The following TTC27 variants were observed in gnomAD, a reference collection of about 807,000 sequenced individuals.
TTC27 encodes the protein tetratricopeptide repeat protein 27.
TTC27 carries 79 observed loss-of-function variants against 115.9 expected under a neutral mutation model. The observed-to-expected ratio is 0.68, with a 90% CI of 0.57 to 0.82. The LOEUF is 0.82. Ranked by LOEUF, TTC27 falls within the 40% of genes least tolerant of loss-of-function variation. TTC27 has a pLI of 0.00. For synonymous variants in TTC27, 401 were observed against 356.0 expected, an observed-to-expected ratio of 1.13 and a Z score of -1.42; for missense variants, 1,054 against 993.1, an observed-to-expected ratio of 1.06 and a Z score of -0.82.
chr2:32,713,492 T>G (rs1394611643), intron 10 of TTC27, among the ~76,000 whole-genome samples: 2 of 152,194 alleles, frequency 1.3e-5, no homozygotes, highest in Non-Finnish European at 2.9e-5. Context: ...TGATAATGAA[T>G]TTTAATTACT....
chr2:32,754,735 C>G (rs1296673702), intron 12 of TTC27, among the ~76,000 whole-genome samples: 1 of 147,994 alleles, frequency 6.8e-6, no homozygotes, highest in Non-Finnish European at 1.5e-5. Flanking sequence ...GCAGAGGCGT[C>G]TCTCACCTCC....
At chr2:32,721,637 T>C (rs1333706094) in intron 10 of TTC27, among the ~76,000 whole-genome samples, 1 of 150,948 alleles carries the variant, frequency 6.6e-6, no homozygotes, top group African/African-American at 2.4e-5. Flanking sequence ...TTTTTTTTTT[T>C]CTTTTAGAGG....
intron 12 of TTC27, among the ~76,000 whole-genome samples, chr2:32,751,152 A>G (rs1329963434): frequency 6.6e-6 from 1 of 152,150 alleles, no homozygotes; most frequent in Non-Finnish European, 1.5e-5. Flanking sequence ...GATCATGTCC[A>G]GAACAGTAGC....
At chr2:32,678,305 C>T (rs186095770) in intron 8 of TTC27, among the ~76,000 whole-genome samples, 35 of 151,036 alleles carry the variant, frequency 2.3e-4, no homozygotes, top group African/African-American at 6.8e-4. Flanking sequence ...GTACACCAAT[C>T]GCATTTTATT....
At chr2:32,726,124 T>C (rs1169390218) in intron 10 of TTC27, among the ~76,000 whole-genome samples, 2 of 152,222 alleles carry the variant, frequency 1.3e-5, no homozygotes, top group Admixed American at 6.5e-5. Flanking sequence ...GACCTGTTAT[T>C]GGAGGGGCTG....
intron 9 of TTC27, among the ~76,000 whole-genome samples, chr2:32,687,422 A>G (rs1297771683): frequency 6.6e-6 from 1 of 152,218 alleles, no homozygotes; most frequent in Non-Finnish European, 1.5e-5. Context: ...AACAACAACA[A>G]AAAAGGGTAA....
In TTC27 at chr2:32,628,927, A is replaced by T. The variant is rs868755306; in HGVS notation, c.88+547A>T. 1.0e-3 allele frequency among the ~76,000 whole-genome samples: 155 copies of T among 150,184 alleles called. 1 individual carries two copies. Among genetic ancestry groups the T allele is most frequent in the African/African-American group, 3.7e-3 (151 of 40,812 alleles). On this transcript the variant is annotated intron_variant, in intron 1 of 19. Coordinates refer to ENST00000317907, the MANE Select transcript of TTC27 (RefSeq NM_017735.5). Reference sequence around the variant, plus strand: ...AGGCATGCGCCACCACGCCCGGCTAATTTTGTATTTTTAGTAGAGTCGAGG... The same window carrying T: ...AGGCATGCGCCACCACGCCCGGCTATTTTTGTATTTTTAGTAGAGTCGAGG...
At chr2:32,759,910 C>T (rs1328933233) in intron 13 of TTC27, among the ~76,000 whole-genome samples, 3 of 152,168 alleles carry the variant, frequency 2.0e-5, no homozygotes, top group African/African-American at 7.2e-5. Flanking sequence ...CATGTTGTAG[C>T]ATGTGTCAGA....
At chr2:32,805,570 C>T (rs1196100728) in intron 16 of TTC27, among the ~76,000 whole-genome samples, 2 of 152,144 alleles carry the variant, frequency 1.3e-5, no homozygotes, top group Non-Finnish European at 2.9e-5. Context: ...GTGCTCACAG[C>T]AGAAGTAGTA....
intron 10 of TTC27, among the ~76,000 whole-genome samples, chr2:32,703,980 C>T (rs1667277605): frequency 6.6e-6 from 1 of 152,134 alleles, no homozygotes. Context: ...TCTAGGTGTT[C>T]TCATACGACA....
intron 8 of TTC27, among the ~76,000 whole-genome samples, chr2:32,673,258 A>G (rs1337929212): frequency 7.1e-5 from 8 of 113,042 alleles, no homozygotes; most frequent in African/African-American, 2.4e-4. Context: ...GAGTTTTGCT[A>G]TTGTTGCCTA....
chr2:32,702,020 AAAAAAC>A (rs10685292), intron 9 of TTC27, among the ~76,000 whole-genome samples: 1 of 145,492 alleles, frequency 6.9e-6, no homozygotes, highest in African/African-American at 2.5e-5. Flanking sequence ...CAAAAAAAAA[AAAAAAC>A]AAAAACAAAA....
At position 32,812,537 on chromosome 2, in the gene TTC27, G is replaced by A. The variant is rs766647745; in HGVS notation, c.2230G>A (p.Asp744Asn). ...FQCLSKAYKC[D>N]TQSNCWEKDI... The stretch of plus-strand genomic sequence containing the variant: ...GTGCCTCTCAAAGGCATACAAGTGT[G>A]ACACCCAGTCCAATTGTTGGGAGAA... Residue 744 changes from aspartate to asparagine, a missense_variant, in exon 18 of 20, where the codon GAC becomes AAC. Physicochemically the swap from Asp to Asn is conservative, Grantham distance 23 (BLOSUM62 1). Transcript: ENST00000317907. The A allele has an allele frequency of 1.2e-6, 2 of 1,613,970 alleles. No homozygotes were observed. The highest frequency in any genetic ancestry group is 2.2e-5 in the South Asian group (2 of 91,042).
At chr2:32,715,044 A>G (rs973437365) in intron 10 of TTC27, among the ~76,000 whole-genome samples, 1 of 151,820 alleles carries the variant, frequency 6.6e-6, no homozygotes, top group East Asian at 1.9e-4. Flanking sequence ...TACTCTGTTG[A>G]TTGTTTTGTT....
chr2:32,808,447 G>T (rs960912473), intron 16 of TTC27, among the ~76,000 whole-genome samples: 11 of 152,166 alleles, frequency 7.2e-5, no homozygotes, highest in Admixed American at 3.9e-4. Context: ...ATTGGTTATT[G>T]CCTCCCTCCT....
At chr2:32,716,693 G>GT (rs151064313) in intron 10 of TTC27, among the ~76,000 whole-genome samples, 53 of 148,866 alleles carry the variant, frequency 3.6e-4, no homozygotes, top group Middle Eastern at 3.6e-3. Context: ...TGTTCTATAT[G>GT]TTTTTTTTTT....
chr2:32,703,216 CCCA>C (rs1339985684), intron 10 of TTC27, among the ~76,000 whole-genome samples: 2 of 152,162 alleles, frequency 1.3e-5, no homozygotes, highest in African/African-American at 4.8e-5. Flanking sequence ...CGCCTGTGAT[CCCA>C]CCACTTTGGG....
intron 13 of TTC27, among the ~76,000 whole-genome samples, chr2:32,764,462 A>G (rs1231349988): frequency 2.0e-5 from 3 of 152,252 alleles, no homozygotes; most frequent in Admixed American, 1.3e-4. Flanking sequence ...AAAAATGCTA[A>G]TGATTATCTG....
At chr2:32,631,831 G>A (rs900450954) in intron 2 of TTC27, among the ~76,000 whole-genome samples, 4 of 133,564 alleles carry the variant, frequency 3.0e-5, no homozygotes, top group Admixed American at 1.5e-4. Context: ...TTTTTTTTTT[G>A]ATGGAGTATC....
Sources: allele counts gnomAD v4.1 joint callset (sites outside exome capture counted in the v4.1 genomes callset), GRCh38; gene constraint gnomAD v4.1.1; transcripts MANE v1.5; gene names NCBI Gene and HGNC (gene_info 2026-07-23, HGNC 2026-07-21).